Variants in SPICE1 observed in about 807,000 individuals in gnomAD.
The protein encoded by SPICE1 is spindle and centriole-associated protein 1.
SPICE1 carries 75 observed loss-of-function variants against 102.7 expected under a neutral mutation model. The observed-to-expected ratio is 0.73, with a 90% CI of 0.61 to 0.88. SPICE1 has a LOEUF of 0.88. SPICE1 is among the 40% of genes least tolerant of loss of function. SPICE1 has a pLI of 0.00. For missense variants in SPICE1, 979 were observed against 1,020.1 expected (o/e 0.96, Z 0.55); for synonymous variants, 308 against 350.3 (o/e 0.88, Z 1.35).
At chr3:113,474,237 C>T (rs1208760401) in intron 7 of SPICE1, among the ~76,000 whole-genome samples, 5 of 151,984 alleles carry the variant, frequency 3.3e-5, no homozygotes, top group African/African-American at 1.2e-4. Context: ...GAAGAGCTAA[C>T]TATCCTAAAT....
chr3:113,492,500 C>A (rs903862392), intron 6 of SPICE1, among the ~76,000 whole-genome samples: 1 of 152,042 alleles, frequency 6.6e-6, no homozygotes, highest in Non-Finnish European at 1.5e-5. Context: ...TAGAATACAG[C>A]CAATTAATGT....
At position 113,458,259 on chromosome 3, in the gene SPICE1, C is replaced by T. The variant is rs529473653; in HGVS notation, c.1436-902G>A. Among the ~76,000 whole-genome samples the T allele has an allele frequency of 4.6e-5, 7 of 152,088 alleles. No individual in the cohort carries two copies. The South Asian group carries it at 1.5e-3, about 32-fold the overall frequency. ...CCTCTTTGCACGTCTCCCTCTGATGCCCAGCCGAGGCTGGACTGTACTGCC... is the reference window on the plus strand; with the variant it reads ...CCTCTTTGCACGTCTCCCTCTGATGTCCAGCCGAGGCTGGACTGTACTGCC... On this transcript the variant is annotated intron_variant, in intron 12 of 17. Transcript: ENST00000295872.
chr3:113,466,736 G>GA (rs1199163759), intron 10 of SPICE1, among the ~76,000 whole-genome samples: 1 of 152,162 alleles, frequency 6.6e-6, no homozygotes, highest in Non-Finnish European at 1.5e-5. Flanking sequence ...ACAATACAAT[G>GA]AATCTGTCAT....
Position 113,475,888 on chromosome 3 carries a change from C to T in SPICE1, c.612-6650G>A, listed in dbSNP as rs886919946. ...GAAAACTGGCACAAGACAGGGATGCCCTCTCTCACTACTCCTATTCAACAT... is the reference window on the plus strand; with the variant it reads ...GAAAACTGGCACAAGACAGGGATGCTCTCTCTCACTACTCCTATTCAACAT... On this transcript the variant is annotated intron_variant, in intron 7 of 17. Coordinates refer to ENST00000295872, the MANE Select transcript of SPICE1 (RefSeq NM_144718.4). Among the ~76,000 whole-genome samples the T allele has an allele frequency of 7.4e-4, 113 of 151,792 alleles. 3 individuals carry two copies. The highest frequency in any genetic ancestry group is 2.2e-4 in the Non-Finnish European group (15 of 67,976).
chr3:113,489,509 T>C (rs1332877952), intron 6 of SPICE1, among the ~76,000 whole-genome samples: 1 of 152,160 alleles, frequency 6.6e-6, no homozygotes, highest in African/African-American at 2.4e-5. Flanking sequence ...GATATTTCTG[T>C]CTTTGCCTTC....
chr3:113,485,678 G>C (rs1936630477), intron 7 of SPICE1, among the ~76,000 whole-genome samples: 1 of 152,222 alleles, frequency 6.6e-6, no homozygotes, highest in African/African-American at 2.4e-5. Context: ...ATCTATGCCT[G>C]ACGGCTCTGA....
chr3:113,485,351 C>G (rs1238042187), intron 7 of SPICE1, among the ~76,000 whole-genome samples: 1 of 152,126 alleles, frequency 6.6e-6, no homozygotes. Flanking sequence ...GCTGCCAACA[C>G]AGCAGCAATC....
rs868042560 is a variant in SPICE1 at position 113,488,933 on chromosome 3, A to G, written c.611+12T>C. ...CCTGAGAGTTGTAAATATTTATGCC[A>G]TATACACATACCTGTCTGTATTCGT... On this transcript the variant is annotated intron_variant, in intron 7 of 17. Coordinates refer to ENST00000295872, the MANE Select transcript of SPICE1 (RefSeq NM_144718.4). 2 of 1,515,900 alleles carry G rather than the reference A, an allele frequency of 1.3e-6. No individual in the cohort carries two copies. Among genetic ancestry groups the G allele is most frequent in the Non-Finnish European group, 1.8e-6 (2 of 1,091,576 alleles). 93.9% of individuals were successfully genotyped at this position (1,515,900 alleles called of 1,614,324 possible).
Position 113,470,146 on chromosome 3 carries a change from A to G in SPICE1, c.612-908T>C, listed in dbSNP as rs754645909. Among the ~76,000 whole-genome samples, 80 of 152,250 alleles carry G rather than the reference A, an allele frequency of 5.3e-4. 1 individual carries two copies. Among genetic ancestry groups the G allele is most frequent in the Non-Finnish European group, 1.6e-4 (11 of 68,048 alleles). ...GTCTATTTCTCAAAGTGCTAAAGTT[A>G]CAGCCTACCTTCTTCTGGAGGCTTA... On this transcript the variant is annotated intron_variant, in intron 7 of 17. Transcript: ENST00000295872.
chr3:113,512,405 C>CTTTTTTT (rs34015506), intron 1 of SPICE1, among the ~76,000 whole-genome samples: 4 of 104,378 alleles, frequency 3.8e-5, no homozygotes, highest in South Asian at 3.2e-4. Context: ...GAAAAGCTTT[C>CTTTTTTT]TTTTTTTTTT....
chr3:113,489,052 A>C lies in SPICE1; in HGVS notation c.504T>G (p.Asp168Glu), dbSNP rs532895063. The change falls in exon 7 of 18, where the codon GAT becomes GAG. Residue 168 changes from aspartate to glutamate, a missense_variant. Asp to Glu is a conservative substitution (Grantham distance 45). Coordinates refer to ENST00000295872, the MANE Select transcript of SPICE1 (RefSeq NM_144718.4). ...CAGTTCCTTCTTCTTCACCATCTAC[A>C]TCATTAAGAGCCTGTCTCAACACAA... ...ESVIEPQALNDVDGEEEGTVN... is the reference protein window; with the variant it reads ...ESVIEPQALNEVDGEEEGTVN... 6.2e-7 allele frequency: 1 copy of C among 1,600,816 alleles called. No individual in the cohort carries two copies.
rs1205281169 is a variant in SPICE1, at chr3:113,476,222, T to C, written c.612-6984A>G. ...GAATAAAATACCTAGGAATCCAACT[T>C]ACAAGGGATGTGAAGGACCTCTTCA... On this transcript the variant is annotated intron_variant, in intron 7 of 17. Transcript: ENST00000295872. Among the ~76,000 whole-genome samples, 4 of 150,272 alleles carry C rather than the reference T, an allele frequency of 2.7e-5. No homozygotes were observed. In the East Asian group the frequency reaches 7.7e-4, roughly 29 times the overall value.
chr3:113,501,266 A>G (rs977299692), intron 3 of SPICE1, among the ~76,000 whole-genome samples: 12 of 152,222 alleles, frequency 7.9e-5, no homozygotes, highest in African/African-American at 2.9e-4. Context: ...AATTAACTTA[A>G]AATGAATCAT....
At chr3:113,504,716 AAAT>A (rs1431006820) in intron 2 of SPICE1, among the ~76,000 whole-genome samples, 1 of 152,194 alleles carries the variant, frequency 6.6e-6, no homozygotes, top group Non-Finnish European at 1.5e-5. Flanking sequence ...TCATGGAAGA[AAAT>A]AATAATTCCA....
rs1012749187 is a variant in SPICE1 at position 113,465,728 on chromosome 3, T to A, written c.1212A>T (p.Leu404Phe). The stretch of plus-strand genomic sequence containing the variant: ...CATCAATGAGCTCTCGATGATCACC[T>A]AATACTTGTTCCAGTTGTTGCCTTG... Reference protein sequence around the residue: ...VETRQQLEQVLGDHRELIDAL... With the variant: ...VETRQQLEQVFGDHRELIDAL... Residue 404 changes from leucine to phenylalanine, a missense_variant, in exon 11 of 18, where the codon TTA becomes TTT. Leu to Phe is a conservative substitution (Grantham distance 22). Transcript: ENST00000295872. The A allele has an allele frequency of 1.9e-6, 3 of 1,613,936 alleles. No homozygotes were observed. The highest frequency in any genetic ancestry group is 2.5e-6 in the Non-Finnish European group (3 of 1,179,880).
At chr3:113,465,559 A>C (rs1388572444) in intron 11 of SPICE1, 94 bp downstream of exon 11, 1 of 1,108,626 alleles carries the variant, frequency 9.0e-7, no homozygotes, top group Non-Finnish European at 1.3e-6. Flanking sequence ...ACATCGATAC[A>C]GTTAAACCAA....
Position 113,445,205 on chromosome 3 carries a change from T to C in SPICE1, c.*102A>G, listed in dbSNP as rs1299436404. The C allele has an allele frequency of 1.1e-6, 1 of 876,772 alleles. No homozygotes were observed. The highest frequency in any genetic ancestry group is 1.8e-6 in the Non-Finnish European group (1 of 561,034). 54.3% of individuals were successfully genotyped at this position (876,772 alleles called of 1,614,324 possible). ...CATTAGTACTAATTCACAGGATCTT[T>C]GTAGGTTTTATCTGAAAGAAGGATA... is the stretch of plus-strand genomic sequence containing the variant. On this transcript the variant is annotated 3_prime_UTR_variant, in exon 18 of 18. Transcript: ENST00000295872.
chr3:113,486,907 A>G (rs993171325), intron 7 of SPICE1, among the ~76,000 whole-genome samples: 2 of 151,100 alleles, frequency 1.3e-5, no homozygotes, highest in Non-Finnish European at 3.0e-5. Flanking sequence ...ATAAAAAGAA[A>G]CACAGAAAGA....
At chr3:113,492,261 A>G (rs938035836) in intron 6 of SPICE1, among the ~76,000 whole-genome samples, 3 of 152,172 alleles carry the variant, frequency 2.0e-5, no homozygotes, top group African/African-American at 7.2e-5. Flanking sequence ...TATAATTAAT[A>G]TATCTTTTAT....
Sources: allele counts gnomAD v4.1 joint callset (sites outside exome capture counted in the v4.1 genomes callset), GRCh38; gene constraint gnomAD v4.1.1; transcripts MANE v1.5; gene names NCBI Gene and HGNC (gene_info 2026-07-23, HGNC 2026-07-21).